Variants in SERPINI1 observed in about 807,000 individuals in gnomAD.
SERPINI1 encodes the protein neuroserpin.
SERPINI1 carries 19 observed loss-of-function variants against 41.1 expected under a neutral mutation model. That is an observed-to-expected ratio of 0.46 (90% CI 0.32 to 0.68). The LOEUF is 0.68. Ranked by LOEUF, SERPINI1 falls within the 30% of genes least tolerant of loss-of-function variation. SERPINI1 has a pLI of 0.03. For missense variants in SERPINI1, 460 were observed against 479.2 expected (o/e 0.96, Z 0.37); for synonymous variants, 138 against 156.6 (o/e 0.88, Z 0.89).
chr3:167,795,381 T>C (rs541089070), intron 5 of SERPINI1, among the ~76,000 whole-genome samples: 1 of 152,318 alleles, frequency 6.6e-6, no homozygotes, highest in South Asian at 2.1e-4. Flanking sequence ...ATGTCCTGAA[T>C]GCCATCCCCT....
intron 1 of SERPINI1, among the ~76,000 whole-genome samples, chr3:167,744,329 C>T (rs371894492): frequency 3.3e-5 from 5 of 151,668 alleles, no homozygotes; most frequent in South Asian, 2.1e-4. Flanking sequence ...TTTTATTAAA[C>T]GTTAGGTTTT....
At chr3:167,760,133 A>G (rs1387031159) in intron 1 of SERPINI1, among the ~76,000 whole-genome samples, 1 of 151,934 alleles carries the variant, frequency 6.6e-6, no homozygotes, top group Non-Finnish European at 1.5e-5. Context: ...GTCATCTTCA[A>G]TGAGATGAGC....
chr3:167,747,121 A>G (rs576271961), intron 1 of SERPINI1, among the ~76,000 whole-genome samples: 35 of 152,386 alleles, frequency 2.3e-4, no homozygotes, highest in African/African-American at 8.4e-4. Context: ...ATACTACAGC[A>G]TGGATGGCCC....
At chr3:167,818,959 G>A (rs1712221372) in intron 6 of SERPINI1, among the ~76,000 whole-genome samples, 1 of 152,152 alleles carries the variant, frequency 6.6e-6, no homozygotes, top group Admixed American at 6.5e-5. Context: ...AGCTGACAAT[G>A]TGGATACTCA....
chr3:167,789,011 T>C, intron 1 of SERPINI1, 100 bp from the exon 2 acceptor site: 1 of 1,125,286 alleles, frequency 8.9e-7, no homozygotes, highest in Non-Finnish European at 1.3e-6. Flanking sequence ...CATTTAACTG[T>C]TAATTGACTT....
intron 1 of SERPINI1, among the ~76,000 whole-genome samples, chr3:167,751,099 T>G (rs189676046): frequency 6.6e-6 from 1 of 152,308 alleles, no homozygotes; most frequent in African/African-American, 2.4e-5. Context: ...ACTGGCAGTT[T>G]GACAGACTGA....
At chr3:167,797,426 G>A (rs1295023047) in intron 5 of SERPINI1, among the ~76,000 whole-genome samples, 2 of 152,028 alleles carry the variant, frequency 1.3e-5, no homozygotes, top group Non-Finnish European at 2.9e-5. Context: ...GCCTGTGTCT[G>A]TGTCCTGAAT....
chr3:167,750,401 T>C (rs1423755545), intron 1 of SERPINI1, among the ~76,000 whole-genome samples: 1 of 152,198 alleles, frequency 6.6e-6, no homozygotes, highest in East Asian at 1.9e-4. Context: ...AAGAACAAGA[T>C]GACTGCACAT....
At chr3:167,767,425 G>T (rs187915321) in intron 1 of SERPINI1, among the ~76,000 whole-genome samples, 1 of 152,168 alleles carries the variant, frequency 6.6e-6, no homozygotes, top group East Asian at 1.9e-4. Context: ...GATTAATGTT[G>T]TCTTCATGCC....
At chr3:167,792,528 C>G in intron 3 of SERPINI1, 62 bp from the exon 4 acceptor site, 1 of 1,388,332 alleles carries the variant, frequency 7.2e-7, no homozygotes, top group Non-Finnish European at 1.0e-6. Context: ...TGAAAATCTT[C>G]TGGTCCCCCT....
intron 1 of SERPINI1, among the ~76,000 whole-genome samples, chr3:167,781,963 A>C (rs1727145235): frequency 6.6e-6 from 1 of 152,086 alleles, no homozygotes; most frequent in Non-Finnish European, 1.5e-5. Flanking sequence ...ACACATATAC[A>C]CTTATATGCA....
intron 1 of SERPINI1, among the ~76,000 whole-genome samples, chr3:167,771,170 A>C (rs749133325): frequency 2.0e-5 from 3 of 152,200 alleles, no homozygotes; most frequent in Non-Finnish European, 4.4e-5. Flanking sequence ...TTAACTTCTC[A>C]GAATTTATCC....
At chr3:167,744,859 A>G (rs1725816845) in intron 1 of SERPINI1, among the ~76,000 whole-genome samples, 1 of 73,714 alleles carries the variant, frequency 1.4e-5, no homozygotes, top group Non-Finnish European at 2.5e-5. Flanking sequence ...ATAGTTATAT[A>G]TATATATAAA....
chr3:167,788,603 T>G (rs1440677773), intron 1 of SERPINI1, among the ~76,000 whole-genome samples: 2 of 152,186 alleles, frequency 1.3e-5, no homozygotes, highest in East Asian at 3.8e-4. Flanking sequence ...CTCTGCAACC[T>G]GGAATGAATA....
At chr3:167,774,119 A>G (rs914637678) in intron 1 of SERPINI1, among the ~76,000 whole-genome samples, 2 of 152,220 alleles carry the variant, frequency 1.3e-5, no homozygotes, top group African/African-American at 4.8e-5. Context: ...ATTTTTAAAA[A>G]CATCATAATA....
Position 167,745,130 on chromosome 3 carries a change from A to G in SERPINI1, c.-19+9307A>G, listed in dbSNP as rs6799463. On this transcript the variant is annotated intron_variant, in intron 1 of 8. Transcript: ENST00000446050. Reference sequence around the variant, plus strand: ...ATTGCTAGAAAGACACAAACTACTGAGACCAACTTAAGAAATAGAAAATTC... The same window carrying G: ...ATTGCTAGAAAGACACAAACTACTGGGACCAACTTAAGAAATAGAAAATTC... Among the ~76,000 whole-genome samples, 1,293 of 151,702 alleles carry G rather than the reference A, an allele frequency of 8.5e-3. 15 individuals are homozygous for G. The highest frequency in any genetic ancestry group is 0.029 in the African/African-American group (1,210 of 41,458).
At chr3:167,817,588 T>C (rs946100995) in intron 6 of SERPINI1, among the ~76,000 whole-genome samples, 10 of 151,718 alleles carry the variant, frequency 6.6e-5, no homozygotes, top group African/African-American at 2.2e-4. Flanking sequence ...TTATTTTTAT[T>C]TATTTATTTA....
At chr3:167,785,959 C>T (rs1727289462) in intron 1 of SERPINI1, among the ~76,000 whole-genome samples, 1 of 152,056 alleles carries the variant, frequency 6.6e-6, no homozygotes, top group South Asian at 2.1e-4. Flanking sequence ...AGTCATTAGG[C>T]AATTTCACTC....
At chr3:167,781,634 CTTT>C (rs757785091) in intron 1 of SERPINI1, among the ~76,000 whole-genome samples, 3 of 81,746 alleles carry the variant, frequency 3.7e-5, no homozygotes, top group South Asian at 3.7e-4. Context: ...TTCTTTTGGC[CTTT>C]TTTTTTTTTT....
Sources: allele counts gnomAD v4.1 joint callset (sites outside exome capture counted in the v4.1 genomes callset), GRCh38; gene constraint gnomAD v4.1.1; transcripts MANE v1.5; gene names NCBI Gene and HGNC (gene_info 2026-07-23, HGNC 2026-07-21).